CPD: variants seen among roughly 807,000 people sequenced by gnomAD.
The protein encoded by CPD is metallocarboxypeptidase D.
In CPD, 69 loss-of-function variants were observed where a neutral mutation model predicts 138.3. The observed-to-expected ratio is 0.50, with a 90% CI of 0.41 to 0.61. The LOEUF (loss-of-function observed/expected upper bound fraction) is 0.61. CPD is among the 20% of genes least tolerant of loss of function. CPD has a pLI of 0.00. For synonymous variants in CPD, 651 were observed against 642.1 expected, an observed-to-expected ratio of 1.01 and a Z score of -0.21; for missense variants, 1,432 against 1,733.3, an observed-to-expected ratio of 0.83 and a Z score of 3.09.
At position 30,381,002 on chromosome 17, in the gene CPD, A is replaced by T. The variant is rs138664352; in HGVS notation, c.746+1276A>T. Among the ~76,000 whole-genome samples, 659 of 152,348 alleles carry T rather than the reference A, an allele frequency of 4.3e-3. 7 individuals are homozygous for T. The highest frequency in any genetic ancestry group is 0.015 in the African/African-American group (639 of 41,574). The stretch of plus-strand genomic sequence containing the variant: ...TGCGGGACTTGGAATCATTTCTTCT[A>T]CAAGATTTCAGTCATATATAGAAGA... On this transcript the variant is annotated intron_variant, in intron 1 of 20. Coordinates refer to ENST00000225719, the MANE Select transcript of CPD (RefSeq NM_001304.5).
intron 8 of CPD, among the ~76,000 whole-genome samples, chr17:30,434,505 A>G (rs1208134843): frequency 2.0e-5 from 3 of 152,204 alleles, no homozygotes; most frequent in African/African-American, 7.2e-5. Flanking sequence ...GTAACTGGGC[A>G]GATTAGAGCT....
rs1316735390 is a variant in CPD at position 30,456,540 on chromosome 17, A to T, written c.3498+14A>T. 6.2e-7 allele frequency: 1 copy of T among 1,613,044 alleles called. No homozygotes were observed. The highest frequency in any genetic ancestry group is 2.2e-5 in the East Asian group (1 of 44,886). ...GGCAGCATGAAGGTATGCTTTCTAG[A>T]ACATGGTTAGAATGGAGTTATGGCC... On this transcript the variant is annotated intron_variant, in intron 17 of 20. Coordinates refer to ENST00000225719, the MANE Select transcript of CPD (RefSeq NM_001304.5).
At position 30,465,819 on chromosome 17, in the gene CPD, A is replaced by G. The variant is rs181684750; in HGVS notation, c.*1005A>G. The G allele has an allele frequency of 6.5e-6, 1 of 152,748 alleles. No homozygotes were observed. The highest frequency in any genetic ancestry group is 2.4e-5 in the African/African-American group (1 of 41,568). 9.5% of individuals were successfully genotyped at this position (152,748 alleles called of 1,614,324 possible). On this transcript the variant is annotated 3_prime_UTR_variant, in exon 21 of 21. Coordinates refer to ENST00000225719, the MANE Select transcript of CPD (RefSeq NM_001304.5). The stretch of plus-strand genomic sequence containing the variant: ...CTTAACCTGTATTTGAACACAAAAT[A>G]TCTATACTTCATGCTCCAGCCCAAG...
chr17:30,443,890 A>G lies in CPD; in HGVS notation c.2462A>G (p.His821Arg). 6.2e-7 allele frequency: 1 copy of G among 1,613,940 alleles called. No homozygotes were observed. The highest frequency in any genetic ancestry group is 8.5e-7 in the Non-Finnish European group (1 of 1,179,868). The change falls in exon 11 of 21, where the codon CAC (histidine) becomes CGC (arginine). Residue 821 changes from histidine (H) to arginine (R), a missense_variant. Physicochemically the swap from His to Arg is conservative, Grantham distance 29. Transcript: ENST00000225719. Reference sequence around the variant, plus strand: ...ACCATTAGTGTTGCTGAGATTAATCACCCAGTGACTACTTACAAAACTGGA... The same window carrying G: ...ACCATTAGTGTTGCTGAGATTAATCGCCCAGTGACTACTTACAAAACTGGA... ...NATISVAEIN[H>R]PVTTYKTGDY...
At chr17:30,464,553 A>G in intron 20 of CPD, 35 bp from the exon 21 acceptor site, 4 of 1,559,442 alleles carry the variant, frequency 2.6e-6, no homozygotes, top group Non-Finnish European at 2.7e-6. Flanking sequence ...TCCTTAAAGT[A>G]TAATATCACC....
At chr17:30,397,447 A>G (rs1911537489) in intron 2 of CPD, among the ~76,000 whole-genome samples, 1 of 152,158 alleles carries the variant, frequency 6.6e-6, no homozygotes, top group African/African-American at 2.4e-5. Context: ...AAAAGAGAAG[A>G]TGTGGCTGGG....
At chr17:30,450,859 C>CAAACA (rs368806056) in intron 13 of CPD, among the ~76,000 whole-genome samples, 1,941 of 152,116 alleles carry the variant, frequency 0.013, 42 homozygotes, top group African/African-American at 0.045. Context: ...ATCTCAAAAA[C>CAAACA]AAACAAAACA....
intron 8 of CPD, among the ~76,000 whole-genome samples, chr17:30,433,915 C>G (rs996501336): frequency 6.6e-6 from 1 of 152,172 alleles, no homozygotes; most frequent in African/African-American, 2.4e-5. Flanking sequence ...CTGCATTCTG[C>G]CTCCTCGAAT....
chr17:30,383,022 TA>T (rs1911091438), intron 1 of CPD, among the ~76,000 whole-genome samples: 1 of 152,166 alleles, frequency 6.6e-6, no homozygotes, highest in African/African-American at 2.4e-5. Flanking sequence ...GAAAAATACT[TA>T]AAAATTGTTT....
At chr17:30,414,913 A>G (rs1023021358) in intron 2 of CPD, among the ~76,000 whole-genome samples, 4 of 152,236 alleles carry the variant, frequency 2.6e-5, no homozygotes, top group African/African-American at 4.8e-5. Flanking sequence ...AGTTGGATGT[A>G]CAAGTCTGGA....
intron 3 of CPD, among the ~76,000 whole-genome samples, chr17:30,421,211 C>T (rs1049236394): frequency 3.9e-5 from 6 of 152,176 alleles, no homozygotes; most frequent in African/African-American, 1.4e-4. Flanking sequence ...ATAGGGCTTC[C>T]TTTTCCTATC....
intron 17 of CPD, among the ~76,000 whole-genome samples, chr17:30,459,822 C>T (rs1913420020): frequency 6.6e-6 from 1 of 152,114 alleles, no homozygotes; most frequent in Non-Finnish European, 1.5e-5. Context: ...AATTCATTGT[C>T]CATCCACTTC....
intron 8 of CPD, among the ~76,000 whole-genome samples, chr17:30,436,452 A>C (rs1401316223): frequency 6.6e-6 from 1 of 152,224 alleles, no homozygotes; most frequent in African/African-American, 2.4e-5. Context: ...CCAAGTGAAA[A>C]ATAGGCAAAG....
At chr17:30,410,946 A>T (rs1911949995) in intron 2 of CPD, among the ~76,000 whole-genome samples, 1 of 111,474 alleles carries the variant, frequency 9.0e-6, no homozygotes. Flanking sequence ...TAGTTTCTTC[A>T]CAGCATGAAT....
At chr17:30,397,663 G>A (rs1911543373) in intron 2 of CPD, among the ~76,000 whole-genome samples, 1 of 149,784 alleles carries the variant, frequency 6.7e-6, no homozygotes, top group Non-Finnish European at 1.5e-5. Flanking sequence ...ACTTGAGCCT[G>A]GAGGGCAAGG....
At chr17:30,409,107 A>G (rs1241320975) in intron 2 of CPD, among the ~76,000 whole-genome samples, 1 of 108,756 alleles carries the variant, frequency 9.2e-6, no homozygotes, top group African/African-American at 3.7e-5. Flanking sequence ...GTATCTATTG[A>G]GATAATCATG....
chr17:30,435,233 T>G (rs1912668891), intron 8 of CPD, among the ~76,000 whole-genome samples: 1 of 152,146 alleles, frequency 6.6e-6, no homozygotes. Flanking sequence ...GTTAGGGAAC[T>G]CATACATCCA....
chr17:30,465,838 G>A lies in CPD; in HGVS notation c.*1024G>A, dbSNP rs1201389605. ...CAAAATATCTATACTTCATGCTCCA[G>A]CCCAAGCCTATACCCTGTAATAGCA... On this transcript the variant is annotated 3_prime_UTR_variant, in exon 21 of 21. Coordinates refer to ENST00000225719, the MANE Select transcript of CPD (RefSeq NM_001304.5). 6.6e-6 allele frequency: 1 copy of A among 152,556 alleles called. No individual in the cohort carries two copies. Among genetic ancestry groups the A allele is most frequent in the Admixed American group, 6.5e-5 (1 of 15,272 alleles). The allele number at this position is 152,556 out of a possible 1,614,324, so 9.5% of individuals were successfully genotyped here. A position where few individuals can be genotyped will look rare whatever the true frequency, so the allele number is the denominator to read the frequency against.
chr17:30,450,023 C>T (rs1913126253), intron 13 of CPD, among the ~76,000 whole-genome samples: 1 of 151,564 alleles, frequency 6.6e-6, no homozygotes, highest in African/African-American at 2.4e-5. Context: ...TTAATAGCCA[C>T]ACTACCCTTC....
Sources: gnomAD v4.1 joint callset for allele counts (sites outside exome capture counted in the v4.1 genomes callset) on GRCh38, gnomAD v4.1.1 for gene constraint, MANE v1.5 for transcripts, NCBI Gene and HGNC (gene_info 2026-07-23, HGNC 2026-07-21) for gene names.